IBTK: variants seen among roughly 807,000 people sequenced by gnomAD.
IBTK encodes inhibitor of Bruton tyrosine kinase.
A neutral mutation model predicts 154.9 loss-of-function variants in IBTK; 83 were observed. The ratio of observed to expected loss-of-function variants is 0.54; its 90% CI spans 0.45 to 0.64. The LOEUF is 0.64. Among genes scored for constraint, IBTK ranks in the 30% least tolerant of loss-of-function variants. IBTK has a pLI of 0.00. For missense variants in IBTK, 1,332 were observed against 1,584.6 expected (o/e 0.84, Z 2.71); for synonymous variants, 515 against 536.1 (o/e 0.96, Z 0.54).
rs761017958 is a variant in IBTK at position 82,204,902 on chromosome 6, T to C, written c.2566A>G (p.Ile856Val). Residue 856 changes from isoleucine (I) to valine (V), a missense_variant, in exon 17 of 29, where the codon ATA becomes GTA. Around this residue, in one of 3 missense-constraint regions of IBTK, gnomAD observed 1,134 missense variants for 1,274.7 expected, o/e 0.89. Transcript: ENST00000306270. ...SVLVVADQLLITRLKEICEVA... is the reference protein window; with the variant it reads ...SVLVVADQLLVTRLKEICEVA... Reference sequence around the variant, plus strand: ...TCACAAATCTCTTTCAACCGGGTTATGAGAAGTTGATCAGCCACCACAAGA... The same window carrying C: ...TCACAAATCTCTTTCAACCGGGTTACGAGAAGTTGATCAGCCACCACAAGA... The C allele has an allele frequency of 1.4e-5, 22 of 1,609,500 alleles. No individual in the cohort carries two copies. In the Admixed American group the frequency reaches 2.7e-4, roughly 20 times the overall value.
intron 8 of IBTK, among the ~76,000 whole-genome samples, chr6:82,221,757 TCAA>T (rs954279819): frequency 6.6e-6 from 1 of 152,212 alleles, no homozygotes; most frequent in African/African-American, 2.4e-5. Context: ...AAAATACAAC[TCAA>T]CATCTTACAT....
intron 1 of IBTK, among the ~76,000 whole-genome samples, chr6:82,243,055 C>T (rs902452591): frequency 6.6e-6 from 1 of 152,020 alleles, no homozygotes; most frequent in Non-Finnish European, 1.5e-5. Flanking sequence ...TCCTGGCTAA[C>T]ACGGTGAAAC....
At chr6:82,174,291 C>T (rs747676372) in intron 26 of IBTK, among the ~76,000 whole-genome samples, 1 of 152,062 alleles carries the variant, frequency 6.6e-6, no homozygotes, top group Non-Finnish European at 1.5e-5. Flanking sequence ...TGATTAAAAC[C>T]CAATCTTCTC....
chr6:82,204,552 T>G (rs761960896), intron 17 of IBTK, among the ~76,000 whole-genome samples: 6 of 152,188 alleles, frequency 3.9e-5, no homozygotes, highest in Admixed American at 1.3e-4. Flanking sequence ...TACAAAAATT[T>G]CACTTTTAAA....
rs374154623 is a variant in IBTK at position 82,200,620 on chromosome 6, A to C, written c.2879T>G (p.Leu960Trp). The change falls in exon 20 of 29, where the codon TTG (leucine) becomes TGG (tryptophan). Residue 960 changes from leucine (L) to tryptophan (W), a missense_variant. Leu to Trp is a moderately conservative substitution (Grantham distance 61, BLOSUM62 -2). Around this residue, in one of 3 missense-constraint regions of IBTK, gnomAD observed 1,134 missense variants for 1,274.7 expected, o/e 0.89. Coordinates refer to ENST00000306270, the MANE Select transcript of IBTK (RefSeq NM_015525.4). Reference protein sequence around the residue: ...YLEVEDGDIFLKEEINMEQNH... With the variant: ...YLEVEDGDIFWKEEINMEQNH... ...TTGTTCCATATTTATTTCTTCTTTCAAGAAGATATCTCCATCTTCTACTTC... is the reference window on the plus strand; with the variant it reads ...TTGTTCCATATTTATTTCTTCTTTCCAGAAGATATCTCCATCTTCTACTTC... 92 of 1,585,412 alleles carry C rather than the reference A, an allele frequency of 5.8e-5. No individual in the cohort carries two copies. The highest frequency in any genetic ancestry group is 2.7e-4 in the Admixed American group (14 of 52,258).
chr6:82,243,291 G>C (rs76166800), intron 1 of IBTK, among the ~76,000 whole-genome samples: 3 of 151,070 alleles, frequency 2.0e-5, no homozygotes, highest in Admixed American at 6.6e-5. Context: ...GGTACCAATC[G>C]TCAAGTACTT....
chr6:82,194,652 GA>G lies in IBTK; in HGVS notation c.3175-11del. On this transcript the variant is annotated splice_polypyrimidine_tract_variant and intron_variant, in intron 22 of 28. Coordinates refer to ENST00000306270, the MANE Select transcript of IBTK (RefSeq NM_015525.4). ...ACGGTTTGACTTTCGCCTGGGGAGA[GA>G]AAAAAAATAAAAAAAGTTAACAGGC... 64 of 1,540,614 alleles carry G rather than the reference GA, an allele frequency of 4.2e-5. No individual in the cohort carries two copies. Among genetic ancestry groups the G allele is most frequent in the South Asian group, 2.0e-4 (15 of 76,560 alleles).
At chr6:82,236,011 T>C (rs1164761206) in intron 2 of IBTK, among the ~76,000 whole-genome samples, 1 of 152,102 alleles carries the variant, frequency 6.6e-6, no homozygotes, top group Non-Finnish European at 1.5e-5. Context: ...GTAGCTGGGA[T>C]TACAGGCATG....
Position 82,191,094 on chromosome 6 carries a change from G to A in IBTK, c.3554C>T (p.Ala1185Val), listed in dbSNP as rs9449444. 348,433 of 1,568,544 alleles carry A rather than the reference G, an allele frequency of 0.22. 39,682 individuals carry two copies. The highest frequency in any genetic ancestry group is 0.29 in the Admixed American group (15,449 of 53,282). ...ATACCATGCATTCACTGGTTTGGGG[G>A]CTTTTGAAGGAGTGAATAAAACTGT... Reference protein sequence around the residue: ...METVLFTPSKAPKPVNAWASS... With the variant: ...METVLFTPSKVPKPVNAWASS... Residue 1185 changes from alanine to valine, a missense_variant, in exon 25 of 29, where the codon GCC becomes GTC. Physicochemically the swap from Ala to Val is moderately conservative, Grantham distance 64. Transcript: ENST00000306270.
intron 4 of IBTK, among the ~76,000 whole-genome samples, chr6:82,228,148 T>C (rs1215412519): frequency 6.6e-6 from 1 of 152,144 alleles, no homozygotes; most frequent in African/African-American, 2.4e-5. Context: ...TAAAATCTTC[T>C]CATTTTTAAA....
chr6:82,245,371 C>G (rs1771104229), intron 1 of IBTK, among the ~76,000 whole-genome samples: 1 of 151,868 alleles, frequency 6.6e-6, no homozygotes, highest in Admixed American at 6.6e-5. Context: ...TCAGCCTGGG[C>G]AACATGGTGA....
intron 11 of IBTK, 66 bp downstream of exon 11, chr6:82,216,010 A>G: frequency 1.7e-6 from 2 of 1,211,842 alleles, no homozygotes. Flanking sequence ...ACCAGCAGCT[A>G]CTGAAAACAA....
At position 82,175,850 on chromosome 6, in the gene IBTK, A is replaced by G. The variant is rs1230167407; in HGVS notation, c.3726-2412T>C. The stretch of plus-strand genomic sequence containing the variant: ...TTCGAGACCACCCTGACCAACATGG[A>G]GAAATCCCATCTCTACTAAAAATAC... On this transcript the variant is annotated intron_variant, in intron 26 of 28. Coordinates refer to ENST00000306270, the MANE Select transcript of IBTK (RefSeq NM_015525.4). Among the ~76,000 whole-genome samples the G allele has an allele frequency of 2.6e-5, 4 of 151,770 alleles. No homozygotes were observed. The East Asian group carries it at 7.9e-4, about 30-fold the overall frequency.
At chr6:82,202,750 A>G in intron 17 of IBTK, 105 bp from the exon 18 acceptor site, 1 of 641,810 alleles carries the variant, frequency 1.6e-6, no homozygotes, top group East Asian at 3.0e-5. Context: ...ATTTGGAATA[A>G]AGAAAAAAAA....
In IBTK at chr6:82,196,461, T is replaced by C; in HGVS notation, c.3026-15A>G. On this transcript the variant is annotated splice_polypyrimidine_tract_variant and intron_variant, in intron 21 of 28. Coordinates refer to ENST00000306270, the MANE Select transcript of IBTK (RefSeq NM_015525.4). ...CTTTAATAATCCTAAAACATGAAAT[T>C]AAAAAAAATTAAACACATATGCATT... The C allele has an allele frequency of 6.4e-7, 1 of 1,560,842 alleles. No homozygotes were observed. The highest frequency in any genetic ancestry group is 8.7e-7 in the Non-Finnish European group (1 of 1,147,900).
Position 82,172,247 on chromosome 6 carries a change from T to C in IBTK, c.3930+133A>G, listed in dbSNP as rs576701458. On this transcript the variant is annotated intron_variant, in intron 28 of 28. Transcript: ENST00000306270. ...TACACTGCTAGATGCCTCAGTTTAA[T>C]TTTACCTGGCATTTACATTTTAATT... is the stretch of plus-strand genomic sequence containing the variant. The C allele has an allele frequency of 3.0e-3, 2,413 of 816,726 alleles. 21 individuals carry two copies. The highest frequency in any genetic ancestry group is 2.6e-3 in the Non-Finnish European group (1,390 of 531,788). 50.6% of individuals were successfully genotyped at this position (816,726 alleles called of 1,614,324 possible). A position where few individuals can be genotyped will look rare whatever the true frequency, so the allele number is the denominator to read the frequency against.
chr6:82,237,623 T>C (rs1770770333), intron 2 of IBTK, among the ~76,000 whole-genome samples: 1 of 148,220 alleles, frequency 6.7e-6, no homozygotes, highest in Admixed American at 6.9e-5. Flanking sequence ...AAGATAGTAG[T>C]AGTAGTAGCA....
chr6:82,240,242 T>C lies in IBTK; in HGVS notation c.245A>G (p.Asp82Gly). The C allele has an allele frequency of 6.2e-7, 1 of 1,614,234 alleles. No individual in the cohort carries two copies. The highest frequency in any genetic ancestry group is 8.5e-7 in the Non-Finnish European group (1 of 1,180,032). ...CAATGCTGTCCATCCAGACTCTTTGTCTTTCACCAACAGATCCACTCCTTT... is the reference window on the plus strand; with the variant it reads ...CAATGCTGTCCATCCAGACTCTTTGCCTTTCACCAACAGATCCACTCCTTT... ...IQKGVDLLVK[D>G]KESGWTALHR... Residue 82 changes from aspartate (D) to glycine (G), a missense_variant, in exon 2 of 29, where the codon GAC becomes GGC. By Grantham distance (94) the Asp-to-Gly change is moderately conservative. Coordinates refer to ENST00000306270, the MANE Select transcript of IBTK (RefSeq NM_015525.4).
chr6:82,226,250 A>G (rs1288493899), intron 5 of IBTK, among the ~76,000 whole-genome samples: 2 of 141,482 alleles, frequency 1.4e-5, no homozygotes, highest in African/African-American at 5.3e-5. Flanking sequence ...GCTTAAGGTA[A>G]TATTATATAT....
Sources: gnomAD v4.1 joint callset for allele counts (sites outside exome capture counted in the v4.1 genomes callset) on GRCh38, gnomAD v4.1.1 for gene constraint, gnomAD v4.1.1 regional missense constraint, MANE v1.5 for transcripts, NCBI Gene and HGNC (gene_info 2026-07-23, HGNC 2026-07-21) for gene names.